CNIH4: variants seen among roughly 807,000 people sequenced by gnomAD.
CNIH4 encodes cornichon family member 4.
A neutral mutation model predicts 21.5 loss-of-function variants in CNIH4; 9 were observed. The observed-to-expected ratio is 0.42, with a 90% CI of 0.25 to 0.73. CNIH4 has a LOEUF of 0.73. Ranked by LOEUF, CNIH4 falls within the 30% of genes least tolerant of loss-of-function variation. The pLI is 0.27. For missense variants in CNIH4, 159 were observed against 170.0 expected, an observed-to-expected ratio of 0.94 and a Z score of 0.36; for synonymous variants, 67 against 59.1, an observed-to-expected ratio of 1.13 and a Z score of -0.61.
Position 224,377,292 on chromosome 1 carries a change from CT to C in CNIH4, c.*1473del, listed in dbSNP as rs1558403016. On this transcript the variant is annotated 3_prime_UTR_variant, in exon 5 of 5. Coordinates refer to ENST00000465271, the MANE Select transcript of CNIH4 (RefSeq NM_014184.4). ...CCAAGAAGCTGTGTAACAGACATTA[CT>C]TTGCTTGCATCTCTTTTTCATACCT... 1.3e-5 allele frequency: 2 copies of C among 152,218 alleles called. No individual in the cohort carries two copies. Among genetic ancestry groups the C allele is most frequent in the African/African-American group, 4.8e-5 (2 of 41,454 alleles). 9.4% of individuals were successfully genotyped at this position (152,218 alleles called of 1,614,324 possible).
chr1:224,360,086 G>T (rs1409592358), intron 1 of CNIH4, among the ~76,000 whole-genome samples: 1 of 151,974 alleles, frequency 6.6e-6, no homozygotes, highest in African/African-American at 2.4e-5. Flanking sequence ...CAGTGCGTTG[G>T]AATTGCGCCA....
In CNIH4 at chr1:224,357,138, G is replaced by T. The variant is rs930035600; in HGVS notation, c.69+145G>T. ...TGGGAGCTGGCCTGGCCGGGGCGGT[G>T]GCGCGGGCCCCGGAGCGGGTAGGAG... On this transcript the variant is annotated intron_variant, in intron 1 of 4. Transcript: ENST00000465271. 4.5e-6 allele frequency: 4 copies of T among 880,480 alleles called. No homozygotes were observed. In the Admixed American group the frequency reaches 9.8e-5, roughly 22 times the overall value. 54.5% of individuals were successfully genotyped at this position (880,480 alleles called of 1,614,324 possible). A position where few individuals can be genotyped will look rare whatever the true frequency, so the allele number is the denominator to read the frequency against.
chr1:224,362,284 G>A (rs909395349), intron 2 of CNIH4, among the ~76,000 whole-genome samples: 3 of 151,108 alleles, frequency 2.0e-5, no homozygotes, highest in African/African-American at 4.9e-5. Flanking sequence ...GGGTTTCACC[G>A]TGTTAGCCAG....
chr1:224,378,959 C>A lies in CNIH4; in HGVS notation c.*3137C>A, dbSNP rs1572139488. ...TCCCTTACCACTCCTCTTCCCCTTC[C>A]CTCTATAATGGCAGTACCCAGGGCC... is the stretch of plus-strand genomic sequence containing the variant. On this transcript the variant is annotated 3_prime_UTR_variant, in exon 5 of 5. Coordinates refer to ENST00000465271, the MANE Select transcript of CNIH4 (RefSeq NM_014184.4). 9.7e-7 allele frequency: 1 copy of A among 1,032,210 alleles called. No homozygotes were observed. The highest frequency in any genetic ancestry group is 1.5e-6 in the Non-Finnish European group (1 of 676,080). 63.9% of individuals were successfully genotyped at this position (1,032,210 alleles called of 1,614,324 possible).
intron 1 of CNIH4, 96 bp downstream of exon 1, chr1:224,357,089 G>A (rs990121575): frequency 6.4e-6 from 9 of 1,413,062 alleles, no homozygotes; most frequent in Non-Finnish European, 8.8e-6. Context: ...CTAGGGAGGC[G>A]CCCGGCGGCG....
chr1:224,375,967 C>A lies in CNIH4; in HGVS notation c.*145C>A. ...AAAAACTATTTTTGCTGTATTTTTA[C>A]CATATAAAGTATTTAAAAAACATGA... On this transcript the variant is annotated 3_prime_UTR_variant, in exon 5 of 5. Transcript: ENST00000465271. 7.5e-7 allele frequency: 1 copy of A among 1,332,242 alleles called. No individual in the cohort carries two copies. The highest frequency in any genetic ancestry group is 2.3e-5 in the South Asian group (1 of 43,752). The allele number at this position is 1,332,242 out of a possible 1,614,324, so 82.5% of individuals were successfully genotyped here. A position where few individuals can be genotyped will look rare whatever the true frequency, so the allele number is the denominator to read the frequency against.
chr1:224,379,283 C>T lies in CNIH4; in HGVS notation c.*3461C>T. ...GTAGTATCTCCCATGGCACTTACCA[C>T]ATTCTATCTGGTATTACAGTTATTT... On this transcript the variant is annotated 3_prime_UTR_variant, in exon 5 of 5. Transcript: ENST00000465271. The T allele has an allele frequency of 1.6e-6, 1 of 606,734 alleles. No individual in the cohort carries two copies. The highest frequency in any genetic ancestry group is 2.9e-6 in the Non-Finnish European group (1 of 340,154). 37.6% of individuals were successfully genotyped at this position (606,734 alleles called of 1,614,324 possible). A position where few individuals can be genotyped will look rare whatever the true frequency, so the allele number is the denominator to read the frequency against.
At chr1:224,374,186 A>T (rs1321262794) in intron 4 of CNIH4, among the ~76,000 whole-genome samples, 1 of 152,234 alleles carries the variant, frequency 6.6e-6, no homozygotes, top group Admixed American at 6.5e-5. Context: ...TTTTGATTGC[A>T]GAGATTTTAT....
At position 224,377,109 on chromosome 1, in the gene CNIH4, T is replaced by C. The variant is rs1373762646; in HGVS notation, c.*1287T>C. On this transcript the variant is annotated 3_prime_UTR_variant, in exon 5 of 5. Transcript: ENST00000465271. ...AAGGGAGCCACTAAGCCAAACTCCC[T>C]GTGCAGACAGACCATGTTTCAAGGC... 1 of 166,452 alleles carries C rather than the reference T, an allele frequency of 6.0e-6. No individual in the cohort carries two copies. The highest frequency in any genetic ancestry group is 1.2e-5 in the Non-Finnish European group (1 of 81,050). 10.3% of individuals were successfully genotyped at this position (166,452 alleles called of 1,614,324 possible).
chr1:224,360,613 C>T, intron 2 of CNIH4, 50 bp downstream of exon 2: 2 of 940,636 alleles, frequency 2.1e-6, no homozygotes, highest in Non-Finnish European at 3.1e-6. Flanking sequence ...GGTCATTTTC[C>T]ATACTTAAGA....
At chr1:224,365,831 C>T in intron 2 of CNIH4, 48 bp from the exon 3 acceptor site, 1 of 1,063,232 alleles carries the variant, frequency 9.4e-7, no homozygotes, top group Non-Finnish European at 1.5e-6. Context: ...CATGTACAGT[C>T]AGGAAGGACA....
intron 4 of CNIH4, among the ~76,000 whole-genome samples, chr1:224,373,118 T>C (rs1010464622): frequency 6.6e-6 from 1 of 152,188 alleles, no homozygotes; most frequent in Non-Finnish European, 1.5e-5. Context: ...TTTCTGATTC[T>C]CATACCCTAC....
chr1:224,371,197 G>C, intron 3 of CNIH4, 86 bp from the exon 4 acceptor site: 1 of 1,420,062 alleles, frequency 7.0e-7, no homozygotes, highest in South Asian at 1.3e-5. Flanking sequence ...ACTTTTAAAA[G>C]TCGATTATTA....
At position 224,375,869 on chromosome 1, in the gene CNIH4, T is replaced by C. The variant is rs370488715; in HGVS notation, c.*47T>C. On this transcript the variant is annotated 3_prime_UTR_variant, in exon 5 of 5. Coordinates refer to ENST00000465271, the MANE Select transcript of CNIH4 (RefSeq NM_014184.4). Reference sequence around the variant, plus strand: ...AGTCAGCCTACACTACAGTGCACAGTTGAGGAGCCAGAGACTTCTTAAATC... The same window carrying C: ...AGTCAGCCTACACTACAGTGCACAGCTGAGGAGCCAGAGACTTCTTAAATC... 8.1e-6 allele frequency: 13 copies of C among 1,609,336 alleles called. No individual in the cohort carries two copies. The highest frequency in any genetic ancestry group is 2.2e-5 in the East Asian group (1 of 44,804).
intron 1 of CNIH4, among the ~76,000 whole-genome samples, chr1:224,360,214 A>ATTT (rs61520460): frequency 5.0e-5 from 7 of 140,990 alleles, no homozygotes; most frequent in African/African-American, 1.8e-4. Context: ...GATATTTCCC[A>ATTT]TTTTTTTTTT....
intron 2 of CNIH4, among the ~76,000 whole-genome samples, chr1:224,363,479 A>G (rs564873996): frequency 1.3e-5 from 2 of 152,138 alleles, no homozygotes; most frequent in Non-Finnish European, 2.9e-5. Context: ...TTTTTATTAA[A>G]GATAGGGTCT....
rs1672782932 is a variant in CNIH4, at chr1:224,376,416, A to G, written c.*594A>G. 1 of 985,252 alleles carries G rather than the reference A, an allele frequency of 1.0e-6. No homozygotes were observed. Among genetic ancestry groups the G allele is most frequent in the Non-Finnish European group, 1.2e-6 (1 of 829,922 alleles). 61.0% of individuals were successfully genotyped at this position (985,252 alleles called of 1,614,324 possible). ...ACCTTATAAGCCATTTTCCCCAGGTACAATGTAGTTCCTGCTGATAGAAAG... is the reference window on the plus strand; with the variant it reads ...ACCTTATAAGCCATTTTCCCCAGGTGCAATGTAGTTCCTGCTGATAGAAAG... On this transcript the variant is annotated 3_prime_UTR_variant, in exon 5 of 5. Coordinates refer to ENST00000465271, the MANE Select transcript of CNIH4 (RefSeq NM_014184.4).
In CNIH4 at chr1:224,377,023, C is replaced by T; in HGVS notation, c.*1201C>T. 3 of 573,606 alleles carry T rather than the reference C, an allele frequency of 5.2e-6. No individual in the cohort carries two copies. The highest frequency in any genetic ancestry group is 6.6e-6 in the Non-Finnish European group (3 of 453,996). The allele number at this position is 573,606 out of a possible 1,614,324, so 35.5% of individuals were successfully genotyped here. On this transcript the variant is annotated 3_prime_UTR_variant, in exon 5 of 5. Transcript: ENST00000465271. ...GGTGGCTAAACAGGGTGTGTGGTACCCAAAAGATTAAATGTTACATGTCCT... is the reference window on the plus strand; with the variant it reads ...GGTGGCTAAACAGGGTGTGTGGTACTCAAAAGATTAAATGTTACATGTCCT...
chr1:224,375,347 A>G (rs1201012459), intron 4 of CNIH4, among the ~76,000 whole-genome samples: 1 of 152,194 alleles, frequency 6.6e-6, no homozygotes, highest in East Asian at 1.9e-4. Context: ...GAGGTGCCCT[A>G]GAGCCAATCA....
Sources: allele counts gnomAD v4.1 joint callset (sites outside exome capture counted in the v4.1 genomes callset), GRCh38; gene constraint gnomAD v4.1.1; transcripts MANE v1.5; gene names NCBI Gene and HGNC (gene_info 2026-07-23, HGNC 2026-07-21).